The following DPP10 variants were observed in gnomAD, a reference collection of about 807,000 sequenced individuals.
DPP10 encodes the protein dipeptidyl peptidase like 10, also known as inactive dipeptidyl peptidase 10.
In DPP10, 33 loss-of-function variants were observed where a neutral mutation model predicts 120.9. The observed-to-expected ratio is 0.27, with a 90% CI of 0.21 to 0.37. The LOEUF is 0.37. Among genes scored for constraint, DPP10 ranks in the 10% least tolerant of loss-of-function variants. The pLI is 1.00. For missense variants in DPP10, 816 were observed against 942.8 expected (o/e 0.87, Z 1.76); for synonymous variants, 337 against 326.1 (o/e 1.03, Z -0.36).
At chr2:114,997,434 G>A (rs1324575278) in intron 1 of DPP10, among the ~76,000 whole-genome samples, 2 of 151,074 alleles carry the variant, frequency 1.3e-5, no homozygotes, top group South Asian at 2.1e-4. Context: ...GGAGGTTGCA[G>A]TAAGCCGAGA....
intron 1 of DPP10, among the ~76,000 whole-genome samples, chr2:115,166,537 A>C (rs1229235149): frequency 6.8e-6 from 1 of 146,230 alleles, no homozygotes; most frequent in Non-Finnish European, 1.5e-5. Context: ...ATATATATAA[A>C]TTTATAATAT....
At chr2:115,650,391 C>T (rs1169067038) in intron 5 of DPP10, among the ~76,000 whole-genome samples, 3 of 122,794 alleles carry the variant, frequency 2.4e-5, no homozygotes, top group African/African-American at 8.9e-5. Context: ...CAGATAAAGG[C>T]ACATGCTGGC....
rs934473655 is a variant in DPP10, at chr2:115,146,852, C to G, written c.61-162387C>G. Among the ~76,000 whole-genome samples, 112 of 152,238 alleles carry G rather than the reference C, an allele frequency of 7.4e-4. 2 individuals are homozygous for G. Among genetic ancestry groups the G allele is most frequent in the African/African-American group, 2.5e-3 (105 of 41,566 alleles). The stretch of plus-strand genomic sequence containing the variant: ...CATATGAGGACACAGCAGGTGCCAC[C>G]TATAAACTAGAAAGTGGACCCTCGC... On this transcript the variant is annotated intron_variant, in intron 1 of 25. Transcript: ENST00000410059.
intron 19 of DPP10, among the ~76,000 whole-genome samples, chr2:115,799,316 A>G (rs1684897015): frequency 6.6e-6 from 1 of 152,078 alleles, no homozygotes; most frequent in African/African-American, 2.4e-5. Flanking sequence ...TGAAAATTAT[A>G]TTGATACATA....
At chr2:114,773,387 A>C (rs1681443413) in intron 1 of DPP10, among the ~76,000 whole-genome samples, 3 of 148,514 alleles carry the variant, frequency 2.0e-5, no homozygotes, top group Admixed American at 2.0e-4. Context: ...ATGAACACTC[A>C]TCACGGACTT....
intron 1 of DPP10, among the ~76,000 whole-genome samples, chr2:115,200,336 A>G (rs1265378460): frequency 6.6e-6 from 1 of 152,178 alleles, no homozygotes; most frequent in Non-Finnish European, 1.5e-5. Flanking sequence ...TAATTCCTGG[A>G]TTTTGAGATA....
intron 7 of DPP10, among the ~76,000 whole-genome samples, chr2:115,713,368 A>G (rs2092392339): frequency 6.6e-6 from 1 of 152,128 alleles, no homozygotes; most frequent in Non-Finnish European, 1.5e-5. Flanking sequence ...AGGTTTTGGA[A>G]TGCTGAATGG....
chr2:115,380,958 T>C (rs186217219), intron 3 of DPP10, among the ~76,000 whole-genome samples: 1,722 of 152,280 alleles, frequency 0.011, 24 homozygotes, highest in African/African-American at 0.035. Flanking sequence ...GAGGGTAACC[T>C]GACCTTTCTC....
At chr2:115,689,149 G>A (rs76517847) in intron 5 of DPP10, among the ~76,000 whole-genome samples, 5,557 of 152,204 alleles carry the variant, frequency 0.037, 240 homozygotes, top group African/African-American at 0.1. Context: ...GAAACTGTGC[G>A]AGATGGATTT....
At chr2:115,840,325 T>TTTTTTTTG (rs1689991332) in intron 24 of DPP10, among the ~76,000 whole-genome samples, 1 of 116,738 alleles carries the variant, frequency 8.6e-6, no homozygotes, top group Non-Finnish European at 1.8e-5. Context: ...TTTGGTTTTT[T>TTTTTTTTG]TTTTTTTTTT....
intron 5 of DPP10, among the ~76,000 whole-genome samples, chr2:115,618,757 T>A (rs1049245481): frequency 6.6e-6 from 1 of 152,166 alleles, no homozygotes; most frequent in African/African-American, 2.4e-5. Flanking sequence ...GATGTAAGCA[T>A]TACTCCATGG....
At chr2:115,805,192 C>T (rs1685778440) in intron 19 of DPP10, among the ~76,000 whole-genome samples, 1 of 152,116 alleles carries the variant, frequency 6.6e-6, no homozygotes, top group Admixed American at 6.5e-5. Context: ...GCTGTGCTAG[C>T]AATCAGCGAG....
rs148808742 is a variant in DPP10, at chr2:115,614,039, C to G, written c.442-75648C>G. ...TTCTGTAGACTGCTGATGGAGAGAT[C>G]CAAAAAAGCTTTGGGGCAGAGCAAC... On this transcript the variant is annotated intron_variant, in intron 5 of 25. Coordinates refer to ENST00000410059, the MANE Select transcript of DPP10 (RefSeq NM_020868.6). Among the ~76,000 whole-genome samples, 193 of 152,164 alleles carry G rather than the reference C, an allele frequency of 1.3e-3. 1 individual carries two copies. Among genetic ancestry groups the G allele is most frequent in the South Asian group, 2.3e-3 (11 of 4,826 alleles).
chr2:115,248,584 T>C (rs2058632451), intron 1 of DPP10, among the ~76,000 whole-genome samples: 1 of 152,040 alleles, frequency 6.6e-6, no homozygotes, highest in Admixed American at 6.6e-5. Flanking sequence ...TATACAGAGG[T>C]AATGATGAAG....
chr2:115,785,511 T>C (rs568031594), intron 17 of DPP10, among the ~76,000 whole-genome samples: 50 of 152,300 alleles, frequency 3.3e-4, no homozygotes, highest in African/African-American at 1.2e-3. Context: ...TTTAATTTCA[T>C]AAATCATTAT....
intron 19 of DPP10, among the ~76,000 whole-genome samples, chr2:115,801,512 A>C (rs1487540729): frequency 6.6e-6 from 1 of 152,172 alleles, no homozygotes; most frequent in African/African-American, 2.4e-5. Flanking sequence ...GTCTTGTGCC[A>C]GTTTTCAAAG....
chr2:114,478,671 T>A (rs952443791), intron 1 of DPP10, among the ~76,000 whole-genome samples: 2 of 152,058 alleles, frequency 1.3e-5, no homozygotes, highest in African/African-American at 4.8e-5. Context: ...CATAATTACA[T>A]AGAAAATCTG....
At chr2:115,564,901 AG>A (rs1184572959) in intron 5 of DPP10, among the ~76,000 whole-genome samples, 2 of 152,210 alleles carry the variant, frequency 1.3e-5, no homozygotes, top group Non-Finnish European at 2.9e-5. Flanking sequence ...GTCTGGAGGC[AG>A]GTCCTGGGCT....
At position 115,842,249 on chromosome 2, in the gene DPP10, C is replaced by T. The variant is rs759575088; in HGVS notation, c.2295C>T (p.Ser765=). ...PDEGHNVSEK[S]KYHLYSTILK... The stretch of plus-strand genomic sequence containing the variant: ...AAGGTCATAACGTATCTGAGAAGAG[C>T]AAGTATCATCTCTACAGCACAATCC... Residue 765 remains serine (S), a synonymous_variant, in exon 26 of 26, where the codon AGC becomes AGT. Transcript: ENST00000410059. 102 of 1,613,466 alleles carry T rather than the reference C, an allele frequency of 6.3e-5. No homozygotes were observed. The highest frequency in any genetic ancestry group is 7.9e-5 in the Non-Finnish European group (93 of 1,179,666).
Sources: allele counts gnomAD v4.1 joint callset (sites outside exome capture counted in the v4.1 genomes callset), GRCh38; gene constraint gnomAD v4.1.1; transcripts MANE v1.5; gene names NCBI Gene and HGNC (gene_info 2026-07-23, HGNC 2026-07-21).